Variants in SPRING1 observed in about 807,000 individuals in gnomAD.
SPRING1 encodes the protein SREBP regulating gene protein.
SPRING1 carries 14 observed loss-of-function variants against 24.7 expected under a neutral mutation model. The ratio of observed to expected loss-of-function variants is 0.57; its 90% CI spans 0.37 to 0.88. The LOEUF is 0.88. Among genes scored for constraint, SPRING1 ranks in the 40% least tolerant of loss-of-function variants. The probability of loss-of-function intolerance (pLI) is 0.00; values close to 1 mark genes in which losing one functional copy is unlikely to be tolerated. For missense variants in SPRING1, 255 were observed against 268.4 expected (o/e 0.95, Z 0.35); for synonymous variants, 93 against 106.1 (o/e 0.88, Z 0.76).
intron 1 of SPRING1, 105 bp downstream of exon 1, chr12:116,737,685 G>A: frequency 7.8e-7 from 1 of 1,276,196 alleles, no homozygotes; most frequent in Middle Eastern, 2.6e-4. Context: ...AGACAGGGAG[G>A]AAGGAAAAAA....
chr12:116,737,382 G>C (rs909375281), intron 1 of SPRING1, among the ~76,000 whole-genome samples: 1 of 151,838 alleles, frequency 6.6e-6, no homozygotes, highest in Middle Eastern at 3.2e-3. Flanking sequence ...GGAAGAAAGG[G>C]AGTAAAGGAA....
intron 1 of SPRING1, among the ~76,000 whole-genome samples, chr12:116,724,227 TA>T (rs1379936208): frequency 9.9e-5 from 15 of 152,216 alleles, no homozygotes; most frequent in African/African-American, 3.4e-4. Flanking sequence ...GAAGCTTATA[TA>T]CTTAAAAAAT....
intron 1 of SPRING1, 70 bp from the exon 2 acceptor site, chr12:116,723,293 C>T (rs1870533550): frequency 6.5e-7 from 1 of 1,549,690 alleles, no homozygotes. Flanking sequence ...CAGTTTTTCA[C>T]AGAAACTACA....
At chr12:116,731,025 G>A (rs1381354816) in intron 1 of SPRING1, among the ~76,000 whole-genome samples, 1 of 152,202 alleles carries the variant, frequency 6.6e-6, no homozygotes. Context: ...CAGCTCAATT[G>A]CCAAAGCTCT....
rs1401931360 is a variant in SPRING1, at chr12:116,713,696, TTAA to T, written c.*4111_*4113del. 3 of 152,350 alleles carry T rather than the reference TTAA, an allele frequency of 2.0e-5. No homozygotes were observed. Among genetic ancestry groups the T allele is most frequent in the African/African-American group, 7.2e-5 (3 of 41,580 alleles). The allele number at this position is 152,350 out of a possible 1,614,324, so 9.4% of individuals were successfully genotyped here. On this transcript the variant is annotated 3_prime_UTR_variant, in exon 5 of 5. Transcript: ENST00000261318. ...ACCAGTTAATGTCCTCAGCAGGGAATTAATAATATTATTGTATATTCATGAAAT... is the reference window on the plus strand; with the variant it reads ...ACCAGTTAATGTCCTCAGCAGGGAATTAATATTATTGTATATTCATGAAAT...
intron 1 of SPRING1, among the ~76,000 whole-genome samples, chr12:116,732,946 T>G (rs529423895): frequency 2.0e-5 from 3 of 152,312 alleles, no homozygotes; most frequent in Admixed American, 6.5e-5. Flanking sequence ...AAGGACATGA[T>G]AAGGCCACTT....
chr12:116,727,621 T>C (rs1870768395), intron 1 of SPRING1, among the ~76,000 whole-genome samples: 1 of 152,220 alleles, frequency 6.6e-6, no homozygotes, highest in Non-Finnish European at 1.5e-5. Context: ...GTCTAGTATT[T>C]GGGAAATGGC....
chr12:116,728,593 T>C lies in SPRING1; in HGVS notation c.112-5370A>G, dbSNP rs1334082455. Among the ~76,000 whole-genome samples, 4 of 152,158 alleles carry C rather than the reference T, an allele frequency of 2.6e-5. No individual in the cohort carries two copies. Among genetic ancestry groups the C allele is most frequent in the Admixed American group, 2.6e-4 (4 of 15,276 alleles). On this transcript the variant is annotated intron_variant, in intron 1 of 4. Coordinates refer to ENST00000261318, the MANE Select transcript of SPRING1 (RefSeq NM_024738.4). The surrounding 1 kb of genome is among the most constrained non-coding windows in gnomAD (Gnocchi z 4.2). ...AGCAGCAGAGAGGATAATCAACTATTCTCCAGGCAAAAGCTGCCGCATCTG... is the reference window on the plus strand; with the variant it reads ...AGCAGCAGAGAGGATAATCAACTATCCTCCAGGCAAAAGCTGCCGCATCTG...
Position 116,720,206 on chromosome 12 carries a change from G to C in SPRING1, c.420+90C>G. ...AGCTCCTTTCTAAGTTTTATTTTCA[G>C]AGGAATCTCACATGAAGAGCCTAAT... On this transcript the variant is annotated intron_variant, in intron 3 of 4. Transcript: ENST00000261318. The surrounding 1 kb of genome is among the most constrained non-coding windows in gnomAD (Gnocchi z 4.0). 1 of 1,432,574 alleles carries C rather than the reference G, an allele frequency of 7.0e-7. No individual in the cohort carries two copies. Among genetic ancestry groups the C allele is most frequent in the Non-Finnish European group, 9.3e-7 (1 of 1,076,802 alleles). 88.7% of individuals were successfully genotyped at this position (1,432,574 alleles called of 1,614,324 possible).
Position 116,714,988 on chromosome 12 carries a change from CA to C in SPRING1, c.*2821del, listed in dbSNP as rs1055124837. The C allele has an allele frequency of 6.6e-6, 1 of 152,002 alleles. No individual in the cohort carries two copies. The highest frequency in any genetic ancestry group is 1.5e-5 in the Non-Finnish European group (1 of 68,014). 9.4% of individuals were successfully genotyped at this position (152,002 alleles called of 1,614,324 possible). A position where few individuals can be genotyped will look rare whatever the true frequency, so the allele number is the denominator to read the frequency against. On this transcript the variant is annotated 3_prime_UTR_variant, in exon 5 of 5. Transcript: ENST00000261318. ...ATAAGATGCAGAACTGGGGGAGATG[CA>C]ACGTATGACTCAATTCCCTTGAGCC...
chr12:116,723,800 C>A (rs1267434811), intron 1 of SPRING1, among the ~76,000 whole-genome samples: 1 of 152,112 alleles, frequency 6.6e-6, no homozygotes, highest in African/African-American at 2.4e-5. Flanking sequence ...CTGTGAAGGA[C>A]CACTGAGTAT....
chr12:116,734,947 T>C (rs1340802735), intron 1 of SPRING1, among the ~76,000 whole-genome samples: 2 of 152,114 alleles, frequency 1.3e-5, no homozygotes, highest in Non-Finnish European at 2.9e-5. Context: ...TCACCCCTAC[T>C]GCGGGGAAGA....
At chr12:116,721,418 T>C (rs1870430581) in intron 2 of SPRING1, among the ~76,000 whole-genome samples, 1 of 152,114 alleles carries the variant, frequency 6.6e-6, no homozygotes, top group Non-Finnish European at 1.5e-5. Flanking sequence ...CTTGCTGAAG[T>C]ATAAGGTTGT....
chr12:116,729,172 A>C (rs908987738), intron 1 of SPRING1, among the ~76,000 whole-genome samples: 2 of 152,190 alleles, frequency 1.3e-5, no homozygotes, highest in Middle Eastern at 3.2e-3. Flanking sequence ...AGACAGCTGA[A>C]TCTCCGAAGC....
chr12:116,729,907 A>T (rs1422617711), intron 1 of SPRING1, among the ~76,000 whole-genome samples: 2 of 152,046 alleles, frequency 1.3e-5, no homozygotes, highest in African/African-American at 2.4e-5. Flanking sequence ...TTATTTATTT[A>T]TTTATTTTTT....
intron 4 of SPRING1, among the ~76,000 whole-genome samples, chr12:116,719,209 A>G (rs1358206153): frequency 6.6e-6 from 1 of 152,256 alleles, no homozygotes; most frequent in East Asian, 1.9e-4. Flanking sequence ...TTTCAGCAGC[A>G]GGTGCAATAA....
At chr12:116,726,706 A>T (rs950056543) in intron 1 of SPRING1, among the ~76,000 whole-genome samples, 1 of 152,230 alleles carries the variant, frequency 6.6e-6, no homozygotes, top group African/African-American at 2.4e-5. Context: ...AACTAAACTG[A>T]GCTGCAAATG....
At chr12:116,724,046 C>T (rs980526682) in intron 1 of SPRING1, among the ~76,000 whole-genome samples, 1 of 152,056 alleles carries the variant, frequency 6.6e-6, no homozygotes, top group Admixed American at 6.5e-5. Context: ...GAAAACAAGC[C>T]GAGCTTGAGA....
At chr12:116,726,263 C>T (rs1282702380) in intron 1 of SPRING1, among the ~76,000 whole-genome samples, 2 of 152,174 alleles carry the variant, frequency 1.3e-5, no homozygotes, top group African/African-American at 4.8e-5. Flanking sequence ...AAATGTGGAG[C>T]TTTTAAAACA....
Sources: allele counts gnomAD v4.1 joint callset (sites outside exome capture counted in the v4.1 genomes callset), GRCh38; gene constraint gnomAD v4.1.1; non-coding constraint Gnocchi (gnomAD v3.1); transcripts MANE v1.5; gene names NCBI Gene and HGNC (gene_info 2026-07-23, HGNC 2026-07-21).